The following CDKAL1 variants were observed in gnomAD, a reference collection of about 807,000 sequenced individuals.
CDKAL1 encodes threonylcarbamoyladenosine tRNA methylthiotransferase.
A neutral mutation model predicts 68.2 loss-of-function variants in CDKAL1; 32 were observed. That is an observed-to-expected ratio of 0.47 (90% CI 0.35 to 0.63). The LOEUF (loss-of-function observed/expected upper bound fraction) is 0.63, where lower values mean the gene tolerates loss of function less well. Ranked by LOEUF, CDKAL1 falls within the 30% of genes least tolerant of loss-of-function variation. The pLI is 0.00. For missense variants in CDKAL1, 606 were observed against 696.7 expected (o/e 0.87, Z 1.47); for synonymous variants, 234 against 244.3 (o/e 0.96, Z 0.39).
chr6:21,120,301 T>TAA (rs1181125771), intron 13 of CDKAL1, among the ~76,000 whole-genome samples: 1 of 152,238 alleles, frequency 6.6e-6, no homozygotes, highest in African/African-American at 2.4e-5. Flanking sequence ...CTGGATACTA[T>TAA]AACTGTACAA....
chr6:21,195,470 A>G (rs1018374297), intron 13 of CDKAL1, among the ~76,000 whole-genome samples: 2 of 142,656 alleles, frequency 1.4e-5, no homozygotes, highest in Non-Finnish European at 3.1e-5. Context: ...GCCTCTGGAG[A>G]TGTTTTTTTT....
intron 13 of CDKAL1, among the ~76,000 whole-genome samples, chr6:21,124,690 T>A (rs1237152202): frequency 6.6e-6 from 1 of 151,490 alleles, no homozygotes; most frequent in Non-Finnish European, 1.5e-5. Flanking sequence ...CAAATCTAGA[T>A]AAATTATAGG....
chr6:21,094,955 G>A (rs1030515617), intron 12 of CDKAL1, among the ~76,000 whole-genome samples: 6 of 152,104 alleles, frequency 3.9e-5, no homozygotes, highest in East Asian at 3.8e-4. Flanking sequence ...TACTCCTGTC[G>A]TTTTACATTC....
At chr6:21,132,367 GA>G (rs1775372828) in intron 13 of CDKAL1, among the ~76,000 whole-genome samples, 2 of 151,904 alleles carry the variant, frequency 1.3e-5, no homozygotes, top group South Asian at 4.2e-4. Flanking sequence ...TTATTAGGAG[GA>G]AAAAAATAGT....
At chr6:20,750,024 A>ATAGTAG (rs2150338087) in intron 6 of CDKAL1, among the ~76,000 whole-genome samples, 1 of 152,080 alleles carries the variant, frequency 6.6e-6, no homozygotes, top group Non-Finnish European at 1.5e-5. Flanking sequence ...TAATTTCTTC[A>ATAGTAG]TAGTGTCTGT....
chr6:20,624,379 TC>T (rs1767334058), intron 4 of CDKAL1, among the ~76,000 whole-genome samples: 1 of 139,652 alleles, frequency 7.2e-6, no homozygotes, highest in South Asian at 2.3e-4. Context: ...TTAAGTTTTT[TC>T]CCCCCTTTCT....
At chr6:20,974,025 G>A (rs1765725162) in intron 10 of CDKAL1, among the ~76,000 whole-genome samples, 1 of 152,212 alleles carries the variant, frequency 6.6e-6, no homozygotes, top group Admixed American at 6.5e-5. Flanking sequence ...ACGTGAAGAG[G>A]ATAAAACAAA....
chr6:20,593,983 G>A (rs1305748193), intron 4 of CDKAL1, among the ~76,000 whole-genome samples: 1 of 152,338 alleles, frequency 6.6e-6, no homozygotes, highest in Non-Finnish European at 1.5e-5. Context: ...TAGTTGTGTG[G>A]TTTTGAGTGA....
At chr6:21,176,732 T>C (rs1777598396) in intron 13 of CDKAL1, among the ~76,000 whole-genome samples, 2 of 143,700 alleles carry the variant, frequency 1.4e-5, no homozygotes, top group African/African-American at 5.2e-5. Flanking sequence ...TCTGACTCTG[T>C]CACCCAGGCT....
chr6:20,824,113 G>T (rs1284750804), intron 8 of CDKAL1, among the ~76,000 whole-genome samples: 2 of 152,088 alleles, frequency 1.3e-5, no homozygotes, highest in South Asian at 4.1e-4. Flanking sequence ...ACAACCAAAG[G>T]TGTTGTGTCT....
chr6:20,965,181 A>G lies in CDKAL1; in HGVS notation c.909+9596A>G, dbSNP rs557662354. Among the ~76,000 whole-genome samples the G allele has an allele frequency of 1.6e-3, 236 of 152,166 alleles. 1 individual carries two copies. The highest frequency in any genetic ancestry group is 1.7e-3 in the Non-Finnish European group (117 of 67,996). On this transcript the variant is annotated intron_variant, in intron 10 of 15. Transcript: ENST00000274695. The stretch of plus-strand genomic sequence containing the variant: ...TTTACAATTAGCTTGGTATGGTGGC[A>G]CACATCTGTAGTCCCAGCTACTCAG...
chr6:21,229,066 C>A (rs1469570561), intron 15 of CDKAL1, among the ~76,000 whole-genome samples: 1 of 152,144 alleles, frequency 6.6e-6, no homozygotes, highest in Non-Finnish European at 1.5e-5. Flanking sequence ...GCCCGGATAC[C>A]TGAGGAGTGC....
chr6:21,076,158 A>G (rs1236984011), intron 12 of CDKAL1, among the ~76,000 whole-genome samples: 1 of 152,200 alleles, frequency 6.6e-6, no homozygotes, highest in Non-Finnish European at 1.5e-5. Flanking sequence ...TGGGGGTTAG[A>G]GACAGCTTTG....
intron 9 of CDKAL1, among the ~76,000 whole-genome samples, chr6:20,892,492 T>G (rs9368251): frequency 0.28 from 42,472 of 152,032 alleles, 7,152 homozygotes; most frequent in East Asian, 0.37. Context: ...AAATCCTTGG[T>G]GAGAGCATGT....
At chr6:20,971,327 T>C (rs1355160127) in intron 10 of CDKAL1, among the ~76,000 whole-genome samples, 1 of 152,248 alleles carries the variant, frequency 6.6e-6, no homozygotes, top group Non-Finnish European at 1.5e-5. Flanking sequence ...CCCTTCACTA[T>C]GCCGTGTCAC....
intron 9 of CDKAL1, among the ~76,000 whole-genome samples, chr6:20,910,119 G>A (rs947719097): frequency 1.3e-5 from 2 of 151,948 alleles, no homozygotes; most frequent in African/African-American, 4.8e-5. Context: ...ACTGTTCCTT[G>A]TCCTCATCTA....
intron 11 of CDKAL1, among the ~76,000 whole-genome samples, chr6:21,041,602 C>CTT (rs61519451): frequency 0.11 from 15,223 of 137,844 alleles, 970 homozygotes; most frequent in Middle Eastern, 0.16. Flanking sequence ...CTCTGAAAAT[C>CTT]TTTTTTTTTT....
intron 8 of CDKAL1, among the ~76,000 whole-genome samples, chr6:20,817,562 C>T (rs1392999727): frequency 2.0e-5 from 3 of 152,098 alleles, no homozygotes; most frequent in East Asian, 3.9e-4. Flanking sequence ...GCCATGAACA[C>T]AATGTGCGGG....
chr6:20,875,023 G>A (rs933016248), intron 9 of CDKAL1, among the ~76,000 whole-genome samples: 5 of 151,982 alleles, frequency 3.3e-5, no homozygotes, highest in African/African-American at 7.2e-5. Flanking sequence ...CTAGCAGGCC[G>A]GCGCGGTGGC....
Sources: allele counts gnomAD v4.1 joint callset (sites outside exome capture counted in the v4.1 genomes callset), GRCh38; gene constraint gnomAD v4.1.1; transcripts MANE v1.5; gene names NCBI Gene and HGNC (gene_info 2026-07-23, HGNC 2026-07-21).